ARID1B: variants seen among roughly 807,000 people sequenced by gnomAD.
ARID1B encodes the protein AT-rich interactive domain-containing protein 1B.
ARID1B carries 30 observed loss-of-function variants against 212.3 expected under a neutral mutation model. That is an observed-to-expected ratio of 0.14 (90% CI 0.11 to 0.19). The LOEUF is 0.19. Among genes scored for constraint, ARID1B ranks in the 10% least tolerant of loss-of-function variants. The pLI is 1.00. For missense variants in ARID1B, 2,891 were observed against 3,204.0 expected (o/e 0.90, Z 2.36); for synonymous variants, 1,402 against 1,301.7 (o/e 1.08, Z -1.66).
At chr6:156,937,855 A>C (rs1320088135) in intron 4 of ARID1B, 2 of 151,470 alleles carry the variant, frequency 1.3e-5, no homozygotes, top group East Asian at 3.9e-4. Context: ...TCCATAATGT[A>C]AGTTTTTTTT....
At chr6:157,057,304 ATAAT>A (rs1476640057) in intron 4 of ARID1B, among the ~76,000 whole-genome samples, 2 of 152,090 alleles carry the variant, frequency 1.3e-5, no homozygotes, top group Non-Finnish European at 2.9e-5. Flanking sequence ...TAACTTTTAA[ATAAT>A]TATATATTTT....
intron 1 of ARID1B, among the ~76,000 whole-genome samples, chr6:156,813,089 T>C (rs995575670): frequency 3.6e-5 from 4 of 110,596 alleles, no homozygotes; most frequent in African/African-American, 1.5e-4. Context: ...TACGTATGTA[T>C]ATACATACAT....
intron 1 of ARID1B, among the ~76,000 whole-genome samples, chr6:156,809,113 C>T (rs1419995742): frequency 6.6e-6 from 1 of 151,684 alleles, no homozygotes; most frequent in African/African-American, 2.4e-5. Flanking sequence ...TTTTTTTGGC[C>T]TACTTTACGT....
intron 4 of ARID1B, among the ~76,000 whole-genome samples, chr6:157,059,697 TCTA>T (rs1326359044): frequency 6.6e-6 from 1 of 152,194 alleles, no homozygotes; most frequent in East Asian, 1.9e-4. Context: ...GCACGCCCCT[TCTA>T]CTGCCTGGGA....
Position 156,778,997 on chromosome 6 carries a change from CGGCTATGGG to C in ARID1B, c.1322_1330del (p.Tyr441_Gly443del). On this transcript the variant is annotated inframe_deletion, in exon 1 of 20. Coordinates refer to ENST00000636930, the MANE Select transcript of ARID1B (RefSeq NM_001374828.1). Reference sequence around the variant, plus strand: ...CAGCAGCAGGAGGCGGCGGCGGCGGCGGCTATGGGGGCTCGTCCGCGGGGTACGGGGTGC... The same window carrying C: ...CAGCAGCAGGAGGCGGCGGCGGCGGCGGCTCGTCCGCGGGGTACGGGGTGC... The C allele has an allele frequency of 2.4e-6, 3 of 1,268,498 alleles. No individual in the cohort carries two copies. The highest frequency in any genetic ancestry group is 4.3e-5 in the Admixed American group (1 of 23,194). 78.6% of individuals were successfully genotyped at this position (1,268,498 alleles called of 1,614,324 possible). A position where few individuals can be genotyped will look rare whatever the true frequency, so the allele number is the denominator to read the frequency against.
chr6:157,143,868 G>C (rs918524952), intron 7 of ARID1B, among the ~76,000 whole-genome samples: 13 of 152,178 alleles, frequency 8.5e-5, no homozygotes, highest in African/African-American at 3.1e-4. Context: ...ATTTTTCCTT[G>C]ACATGCACTT....
chr6:156,806,783 C>T (rs287888), intron 1 of ARID1B, among the ~76,000 whole-genome samples: 5 of 152,062 alleles, frequency 3.3e-5, no homozygotes, highest in South Asian at 4.1e-4. Context: ...ACTTTTCCTA[C>T]GAAGGGCCAC....
chr6:156,988,104 T>C (rs1778045777), intron 4 of ARID1B, among the ~76,000 whole-genome samples: 1 of 152,184 alleles, frequency 6.6e-6, no homozygotes, highest in African/African-American at 2.4e-5. Context: ...AATTCAGATT[T>C]GTCACAACTA....
At chr6:156,799,820 G>A (rs976138117) in intron 1 of ARID1B, among the ~76,000 whole-genome samples, 8 of 152,138 alleles carry the variant, frequency 5.3e-5, no homozygotes, top group Non-Finnish European at 1.2e-4. Flanking sequence ...AAAAGCTGAT[G>A]AAAGATCTTC....
intron 9 of ARID1B, 115 bp downstream of exon 9, chr6:157,167,300 G>A (rs993131676): frequency 1.5e-6 from 2 of 1,293,394 alleles, no homozygotes; most frequent in Non-Finnish European, 2.1e-6. Flanking sequence ...GGCGAAAGTG[G>A]GAATCATACT....
At chr6:156,928,657 AAG>A (rs1361396039) in intron 3 of ARID1B, among the ~76,000 whole-genome samples, 2 of 152,158 alleles carry the variant, frequency 1.3e-5, no homozygotes, top group African/African-American at 4.8e-5. Context: ...GACAGGGAGA[AAG>A]AGAAGAGCCG....
chr6:156,910,872 T>C (rs1455790683), intron 3 of ARID1B, among the ~76,000 whole-genome samples: 1 of 152,218 alleles, frequency 6.6e-6, no homozygotes, highest in Non-Finnish European at 1.5e-5. Flanking sequence ...CTTTATTCTT[T>C]TAAAATAAAG....
chr6:156,988,799 C>T (rs1001654551), intron 4 of ARID1B, among the ~76,000 whole-genome samples: 2 of 152,204 alleles, frequency 1.3e-5, no homozygotes, highest in African/African-American at 4.8e-5. Context: ...TTACTGCCTT[C>T]TTCCTATGCA....
intron 2 of ARID1B, among the ~76,000 whole-genome samples, chr6:156,856,296 A>G (rs1345468268): frequency 3.9e-5 from 6 of 152,228 alleles, no homozygotes; most frequent in Non-Finnish European, 5.9e-5. Context: ...TGTGGTGACC[A>G]TATAGCCTAT....
chr6:157,069,725 A>G (rs920252838), intron 4 of ARID1B, among the ~76,000 whole-genome samples: 1 of 152,236 alleles, frequency 6.6e-6, no homozygotes, highest in Non-Finnish European at 1.5e-5. Context: ...CCTGTGAAGA[A>G]TCAGTATCAG....
intron 4 of ARID1B, among the ~76,000 whole-genome samples, chr6:157,039,318 A>ATTTTTTT (rs1215591720): frequency 4.4e-5 from 5 of 112,820 alleles, no homozygotes; most frequent in African/African-American, 1.1e-4. Context: ...GAAATTTGAC[A>ATTTTTTT]TTTCTTTTTT....
intron 2 of ARID1B, among the ~76,000 whole-genome samples, chr6:156,889,204 T>A (rs573106180): frequency 3.3e-5 from 5 of 152,370 alleles, no homozygotes; most frequent in South Asian, 2.1e-4. Flanking sequence ...TGCTATTTTT[T>A]AAGCTATTTT....
chr6:157,027,908 G>A (rs973457077), intron 4 of ARID1B, among the ~76,000 whole-genome samples: 4 of 152,126 alleles, frequency 2.6e-5, no homozygotes, highest in Non-Finnish European at 4.4e-5. Context: ...TTATCTTTTA[G>A]TACTTCCGTT....
intron 4 of ARID1B, among the ~76,000 whole-genome samples, chr6:157,050,179 T>C (rs750352307): frequency 1.3e-5 from 2 of 152,040 alleles, no homozygotes; most frequent in African/African-American, 2.4e-5. Flanking sequence ...GAGCTCCACT[T>C]TGTATATCAT....
Sources: gnomAD v4.1 joint callset for allele counts (sites outside exome capture counted in the v4.1 genomes callset) on GRCh38, gnomAD v4.1.1 for gene constraint, MANE v1.5 for transcripts, NCBI Gene and HGNC (gene_info 2026-07-23, HGNC 2026-07-21) for gene names.